Variants in KAT6A observed in about 807,000 individuals in gnomAD.
The protein encoded by KAT6A is histone acetyltransferase KAT6A.
In KAT6A, 9 loss-of-function variants were observed where a neutral mutation model predicts 198.4. The observed-to-expected ratio is 0.05, with a 90% CI of 0.03 to 0.08. KAT6A has a LOEUF of 0.08. Ranked by LOEUF, KAT6A falls within the 10% of genes least tolerant of loss-of-function variation. The pLI is 1.00. For synonymous variants in KAT6A, 890 were observed against 883.0 expected, an observed-to-expected ratio of 1.01 and a Z score of -0.14; for missense variants, 2,077 against 2,509.9, an observed-to-expected ratio of 0.83 and a Z score of 3.69.
chr8:42,044,098 C>A (rs1827792745), intron 2 of KAT6A, among the ~76,000 whole-genome samples: 2 of 127,884 alleles, frequency 1.6e-5, no homozygotes, highest in Non-Finnish European at 1.7e-5. Flanking sequence ...TGGGTAAAAA[C>A]TTTTTTTTTT....
intron 13 of KAT6A, 46 bp downstream of exon 13, chr8:41,943,702 C>G (rs1360950136): frequency 7.0e-7 from 1 of 1,418,626 alleles, no homozygotes; most frequent in Non-Finnish European, 9.9e-7. Context: ...CAAAAAACTT[C>G]AACCTAATTA....
chr8:41,950,799 G>C (rs1199198003), intron 9 of KAT6A, among the ~76,000 whole-genome samples: 1 of 152,072 alleles, frequency 6.6e-6, no homozygotes, highest in African/African-American at 2.4e-5. Context: ...ATTTATGTTA[G>C]CTAGATTTAG....
intron 2 of KAT6A, among the ~76,000 whole-genome samples, chr8:42,023,203 C>G (rs532734587): frequency 7.2e-5 from 11 of 152,184 alleles, no homozygotes; most frequent in African/African-American, 2.4e-4. Context: ...GGGGCACTTA[C>G]CACAAATGGA....
chr8:42,038,877 C>G (rs555509348), intron 2 of KAT6A, among the ~76,000 whole-genome samples: 5 of 151,966 alleles, frequency 3.3e-5, no homozygotes, highest in Non-Finnish European at 7.4e-5. Context: ...ACTATTTTGA[C>G]CCAGAATGGC....
At chr8:42,048,264 AT>A in intron 2 of KAT6A, 113 bp downstream of exon 2, 3 of 1,063,204 alleles carry the variant, frequency 2.8e-6, no homozygotes, top group Non-Finnish European at 4.1e-6. Flanking sequence ...ACCAGAGGTG[AT>A]CACTCCACAG....
At position 41,982,072 on chromosome 8, in the gene KAT6A, A is replaced by C. The variant is rs1824382577; in HGVS notation, c.710-118T>G. On this transcript the variant is annotated intron_variant, in intron 3 of 16. Coordinates refer to ENST00000265713, the MANE Select transcript of KAT6A (RefSeq NM_006766.5). ...TTAAATACAAAATATATATCAAATA[A>C]AGCAAGATGCACCAGGAAGCCTGCC... 4 of 612,920 alleles carry C rather than the reference A, an allele frequency of 6.5e-6. No homozygotes were observed. The South Asian group carries it at 7.7e-5, about 12-fold the overall frequency. 38.0% of individuals were successfully genotyped at this position (612,920 alleles called of 1,614,324 possible). A position where few individuals can be genotyped will look rare whatever the true frequency, so the allele number is the denominator to read the frequency against.
In KAT6A at chr8:41,974,828, T is replaced by G; in HGVS notation, c.1364-6A>C. On this transcript the variant is annotated splice_polypyrimidine_tract_variant and splice_region_variant and intron_variant, in intron 7 of 16. Coordinates refer to ENST00000265713, the MANE Select transcript of KAT6A (RefSeq NM_006766.5). Reference sequence around the variant, plus strand: ...ATCCCAGCCATCCTGATTGTCTACATATAAAAAAAGAGCTCACATGTTAAC... The same window carrying G: ...ATCCCAGCCATCCTGATTGTCTACAGATAAAAAAAGAGCTCACATGTTAAC... 4 of 1,588,838 alleles carry G rather than the reference T, an allele frequency of 2.5e-6. No individual in the cohort carries two copies. Among genetic ancestry groups the G allele is most frequent in the Non-Finnish European group, 2.6e-6 (3 of 1,162,122 alleles).
intron 2 of KAT6A, among the ~76,000 whole-genome samples, chr8:41,989,515 A>AATAAC (rs894752863): frequency 2.7e-5 from 4 of 148,492 alleles, no homozygotes; most frequent in Non-Finnish European, 4.5e-5. Flanking sequence ...ATCTCGGAAA[A>AATAAC]ATAACATAAC....
chr8:41,938,626 C>T (rs1250485353), intron 15 of KAT6A, among the ~76,000 whole-genome samples: 1 of 151,926 alleles, frequency 6.6e-6, no homozygotes. Context: ...ACAAAAAGAC[C>T]CCACAATGAC....
chr8:41,938,029 A>C (rs1379684889), intron 15 of KAT6A, among the ~76,000 whole-genome samples: 1 of 152,224 alleles, frequency 6.6e-6, no homozygotes, highest in Non-Finnish European at 1.5e-5. Flanking sequence ...AAAGCTGTGG[A>C]ATGTAGAAAT....
At chr8:42,021,742 C>T (rs752139877) in intron 2 of KAT6A, among the ~76,000 whole-genome samples, 1 of 152,086 alleles carries the variant, frequency 6.6e-6, no homozygotes, top group African/African-American at 2.4e-5. Flanking sequence ...ACCAGCCTGG[C>T]CAACGTGGAG....
chr8:41,943,624 C>T (rs1264244729), intron 13 of KAT6A, 124 bp downstream of exon 13: 2 of 646,510 alleles, frequency 3.1e-6, no homozygotes, highest in Admixed American at 5.7e-5. Context: ...AAAATGATAT[C>T]TCATTATCAC....
intron 2 of KAT6A, among the ~76,000 whole-genome samples, chr8:42,040,666 C>A (rs1827612765): frequency 8.0e-6 from 1 of 125,702 alleles, no homozygotes; most frequent in African/African-American, 3.1e-5. Context: ...ACCCAGGAGG[C>A]GGAGGCTGCA....
intron 8 of KAT6A, chr8:41,957,457 C>T (rs529250157): frequency 1.5e-5 from 5 of 335,544 alleles, no homozygotes; most frequent in East Asian, 7.4e-5. Flanking sequence ...GTTACCTTTG[C>T]TAGGTCTTTT....
At chr8:41,960,583 A>T (rs923342650) in intron 8 of KAT6A, among the ~76,000 whole-genome samples, 38 of 151,310 alleles carry the variant, frequency 2.5e-4, no homozygotes, top group African/African-American at 9.2e-4. Context: ...TTTTTTTTCA[A>T]ATTTTCAGGA....
At chr8:42,017,488 T>C (rs1382941830) in intron 2 of KAT6A, among the ~76,000 whole-genome samples, 1 of 152,102 alleles carries the variant, frequency 6.6e-6, no homozygotes, top group Non-Finnish European at 1.5e-5. Flanking sequence ...AGAGAGGTAG[T>C]AGTGGGTAAG....
intron 11 of KAT6A, among the ~76,000 whole-genome samples, chr8:41,947,173 GTCACATCTAA>G (rs1273879637): frequency 6.6e-6 from 1 of 152,186 alleles, no homozygotes; most frequent in Admixed American, 6.5e-5. Flanking sequence ...TATATTTTAA[GTCACATCTAA>G]CTAATGAAGT....
intron 13 of KAT6A, among the ~76,000 whole-genome samples, chr8:41,943,458 T>G (rs545148543): frequency 6.6e-6 from 1 of 152,174 alleles, no homozygotes; most frequent in African/African-American, 2.4e-5. Flanking sequence ...TTACTTCTTG[T>G]ATTGTGAAAG....
At chr8:42,006,894 G>A (rs147993847) in intron 2 of KAT6A, among the ~76,000 whole-genome samples, 5,108 of 150,954 alleles carry the variant, frequency 0.034, 223 homozygotes, top group South Asian at 0.15. Context: ...TACTTGGGAG[G>A]CTGAGGCACA....
Sources: allele counts gnomAD v4.1 joint callset (sites outside exome capture counted in the v4.1 genomes callset), GRCh38; gene constraint gnomAD v4.1.1; transcripts MANE v1.5; gene names NCBI Gene and HGNC (gene_info 2026-07-23, HGNC 2026-07-21).